PRPS2: variants seen among roughly 807,000 people sequenced by gnomAD.
PRPS2 encodes the protein ribose-phosphate pyrophosphokinase 2.
For synonymous variants in PRPS2, 111 were observed against 115.3 expected, an observed-to-expected ratio of 0.96 and a Z score of 0.24; for missense variants, 104 against 271.5, an observed-to-expected ratio of 0.38 and a Z score of 4.34.
chrX:12,816,772 T>G (rs2042649768), intron 4 of PRPS2, among the ~76,000 whole-genome samples: 1 of 112,023 alleles, frequency 8.9e-6, no homozygotes, highest in Admixed American at 9.5e-5. Flanking sequence ...ATTTTCCTTT[T>G]GCTTAAGTTG....
intron 4 of PRPS2, among the ~76,000 whole-genome samples, chrX:12,818,366 C>CAAAAAA (rs35450855): frequency 4.8e-5 from 3 of 62,794 alleles, no homozygotes; most frequent in African/African-American, 1.2e-4. Context: ...GAAACTGTCT[C>CAAAAAA]AAAAAAAAAA....
chrX:12,817,468 T>TTA (rs1555903712), intron 4 of PRPS2, among the ~76,000 whole-genome samples: 1 of 67,276 alleles, frequency 1.5e-5, no homozygotes, highest in African/African-American at 5.8e-5. Context: ...ATGTTCCTCA[T>TTA]AAAAAAAAAA....
chrX:12,808,946 T>TACAC (rs1265560064), intron 2 of PRPS2, among the ~76,000 whole-genome samples: 2 of 112,405 alleles, frequency 1.8e-5, no homozygotes, highest in Admixed American at 1.9e-4. Flanking sequence ...TGATTTCAGT[T>TACAC]ACACAGATTG....
At chrX:12,804,698 G>A (rs2042585349) in intron 2 of PRPS2, among the ~76,000 whole-genome samples, 1 of 111,381 alleles carries the variant, frequency 9.0e-6, no homozygotes, top group African/African-American at 3.3e-5. Context: ...GTGAGGGTTA[G>A]GGGAAATGCA....
chrX:12,793,604 A>G (rs761137899), intron 1 of PRPS2, among the ~76,000 whole-genome samples: 54 of 112,623 alleles, frequency 4.8e-4, no homozygotes, highest in Middle Eastern at 9.1e-3. Flanking sequence ...GTACAAGTAC[A>G]GAGCTTAATT....
intron 2 of PRPS2, among the ~76,000 whole-genome samples, chrX:12,801,409 T>G (rs1163299670): frequency 2.7e-5 from 3 of 112,251 alleles, no homozygotes; most frequent in Non-Finnish European, 5.6e-5. Flanking sequence ...GCTGTTAAAT[T>G]TCAATTTTCT....
chrX:12,792,570 AT>A (rs1212541193), intron 1 of PRPS2, among the ~76,000 whole-genome samples: 4 of 111,251 alleles, frequency 3.6e-5, no homozygotes, highest in African/African-American at 1.3e-4. Flanking sequence ...AATTGGTCTC[AT>A]TTTTCCCCCT....
chrX:12,818,200 C>T (rs2042658004), intron 4 of PRPS2, among the ~76,000 whole-genome samples: 1 of 108,623 alleles, frequency 9.2e-6, no homozygotes, highest in African/African-American at 3.4e-5. Flanking sequence ...GAAACCCTGT[C>T]TCTACTAAAA....
chrX:12,801,891 G>A (rs1297597152), intron 2 of PRPS2, among the ~76,000 whole-genome samples: 1 of 112,593 alleles, frequency 8.9e-6, no homozygotes. Context: ...TTACAGGCAT[G>A]AGCTACCGCA....
rs780830683 is a variant in PRPS2 at position 12,822,730 on chromosome X, C to G, written c.891C>G (p.Ala297=). 8.3e-7 allele frequency: 1 copy of G among 1,211,172 alleles called. No individual in the cohort carries two copies. The highest frequency in any genetic ancestry group is 2.2e-5 in the Admixed American group (1 of 46,003). The stretch of plus-strand genomic sequence containing the variant: ...TCATTGACATTTCCATGATCTTGGC[C>G]GAAGCAATCCGAAGGACACACAATG... ...IQVIDISMIL[A]EAIRRTHNGE... The change falls in exon 7 of 7, where the codon GCC becomes GCG. Residue 297 remains alanine (A), a synonymous_variant. Transcript: ENST00000380668.
At chrX:12,813,415 C>T (rs996679131) in intron 4 of PRPS2, among the ~76,000 whole-genome samples, 6 of 112,218 alleles carry the variant, frequency 5.3e-5, no homozygotes, top group Non-Finnish European at 9.4e-5. Context: ...TACACGTGTG[C>T]TAGTAGGATA....
At position 12,823,187 on chromosome X, in the gene PRPS2, T is replaced by C. The variant is rs1216762320; in HGVS notation, c.*391T>C. ...CAAAGGTGACTTCAGATTAAAGCCT[T>C]CTGTGTAAATATATACTGATAATGC... On this transcript the variant is annotated 3_prime_UTR_variant, in exon 7 of 7. Coordinates refer to ENST00000380668, the MANE Select transcript of PRPS2 (RefSeq NM_002765.5). 1.4e-5 allele frequency: 2 copies of C among 143,994 alleles called. No homozygotes were observed. Among genetic ancestry groups the C allele is most frequent in the African/African-American group, 6.4e-5 (2 of 31,360 alleles). The allele number at this position is 143,994 out of a possible 1,213,427, so 11.9% of individuals were successfully genotyped here. A position where few individuals can be genotyped will look rare whatever the true frequency, so the allele number is the denominator to read the frequency against.
chrX:12,799,990 T>G (rs1262763138), intron 2 of PRPS2, among the ~76,000 whole-genome samples: 1 of 112,584 alleles, frequency 8.9e-6, no homozygotes, highest in Non-Finnish European at 1.9e-5. Context: ...GAGGAGGCTC[T>G]GTGAGTCTTT....
intron 6 of PRPS2, among the ~76,000 whole-genome samples, chrX:12,821,533 C>T (rs6639224): frequency 0.2 from 21,869 of 110,303 alleles, 2,138 homozygotes; most frequent in African/African-American, 0.36. Flanking sequence ...TGGAAATAAA[C>T]AATGGTGATA....
chrX:12,807,081 C>T (rs372049341), intron 2 of PRPS2, among the ~76,000 whole-genome samples: 4 of 78,153 alleles, frequency 5.1e-5, no homozygotes, highest in African/African-American at 1.5e-4. Flanking sequence ...ATTCTTTGAA[C>T]GTGTGTCCTG....
intron 1 of PRPS2, among the ~76,000 whole-genome samples, chrX:12,792,263 T>C (rs1222895533): frequency 7.1e-5 from 8 of 112,460 alleles, no homozygotes; most frequent in African/African-American, 2.6e-4. Context: ...CGCAGACCAC[T>C]GCGTTATCCA....
At chrX:12,804,896 C>A (rs1289403370) in intron 2 of PRPS2, among the ~76,000 whole-genome samples, 2 of 110,863 alleles carry the variant, frequency 1.8e-5, no homozygotes, top group African/African-American at 3.3e-5. Context: ...GCTGTATTAC[C>A]TATGACATCT....
At chrX:12,795,504 G>A (rs2042538878) in intron 1 of PRPS2, among the ~76,000 whole-genome samples, 2 of 111,936 alleles carry the variant, frequency 1.8e-5, no homozygotes, top group Admixed American at 9.5e-5. Flanking sequence ...TCACAGGTCT[G>A]GAGGCTGGGA....
chrX:12,793,025 C>A (rs909826551), intron 1 of PRPS2, among the ~76,000 whole-genome samples: 15 of 112,030 alleles, frequency 1.3e-4, no homozygotes, highest in Middle Eastern at 9.1e-3. Context: ...CTAAAGAATT[C>A]CACTCTGCAG....
Sources: gnomAD v4.1 joint callset for allele counts (sites outside exome capture counted in the v4.1 genomes callset) on GRCh38, gnomAD v4.1.1 for gene constraint, MANE v1.5 for transcripts, NCBI Gene and HGNC (gene_info 2026-07-23, HGNC 2026-07-21) for gene names.